Variants in ANKRD17 observed in about 807,000 individuals in gnomAD.
ANKRD17 encodes the protein ankyrin repeat domain-containing protein 17.
In ANKRD17, 19 loss-of-function variants were observed where a neutral mutation model predicts 229.7. That is an observed-to-expected ratio of 0.08 (90% CI 0.06 to 0.12). ANKRD17 has a LOEUF of 0.12. Among genes scored for constraint, ANKRD17 ranks in the 10% least tolerant of loss-of-function variants. ANKRD17 has a pLI of 1.00. For synonymous variants in ANKRD17, 1,112 were observed against 1,146.1 expected, an observed-to-expected ratio of 0.97 and a Z score of 0.60; for missense variants, 2,176 against 3,176.8, an observed-to-expected ratio of 0.68 and a Z score of 7.57.
In ANKRD17 at chr4:73,090,926, T is replaced by A. The variant is rs771877996; in HGVS notation, c.6702A>T (p.Val2234=). 1 of 1,614,246 alleles carries A rather than the reference T, an allele frequency of 6.2e-7. No homozygotes were observed. The highest frequency in any genetic ancestry group is 8.5e-7 in the Non-Finnish European group (1 of 1,180,044). The part of the protein sequence containing the change: ...LSTQSACQNS[V]HPANKPIAPN... ...GAGCAATAGGCTTATTTGCTGGATG[T>A]ACTGAATTCTGACAAGCACTTTGTG... is the stretch of plus-strand genomic sequence containing the variant. The change falls in exon 29 of 34, where the codon GTA becomes GTT. Residue 2234 remains valine, a synonymous_variant. Transcript: ENST00000358602.
At chr4:73,200,498 G>A (rs1204473819) in intron 1 of ANKRD17, among the ~76,000 whole-genome samples, 5 of 152,006 alleles carry the variant, frequency 3.3e-5, no homozygotes, top group Non-Finnish European at 7.4e-5. Flanking sequence ...ATAGTTTTGG[G>A]GAGTGGCCTG....
intron 27 of ANKRD17, among the ~76,000 whole-genome samples, chr4:73,094,625 A>G (rs992201755): frequency 5.3e-5 from 8 of 151,730 alleles, no homozygotes; most frequent in African/African-American, 1.9e-4. Flanking sequence ...GAGTGTTGCA[A>G]TAGTATGTGT....
chr4:73,131,368 A>G (rs1728179278), intron 16 of ANKRD17, among the ~76,000 whole-genome samples: 1 of 152,232 alleles, frequency 6.6e-6, no homozygotes, highest in African/African-American at 2.4e-5. Context: ...AAAATGTTCA[A>G]CTAAAGCAGT....
At chr4:73,196,976 A>G (rs888579316) in intron 1 of ANKRD17, among the ~76,000 whole-genome samples, 17 of 152,030 alleles carry the variant, frequency 1.1e-4, no homozygotes, top group Admixed American at 3.3e-4. Flanking sequence ...ATGTGTGTGT[A>G]TATGTATATG....
In ANKRD17 at chr4:73,141,835, A is replaced by T. The variant is rs1355700433; in HGVS notation, c.2238T>A (p.Arg746=). 6.2e-7 allele frequency: 1 copy of T among 1,613,740 alleles called. No homozygotes were observed. The highest frequency in any genetic ancestry group is 1.1e-5 in the South Asian group (1 of 91,044). ...PPSHDLNRAP[R]VPVQALPMVV... is the part of the protein sequence containing the mutation. ...CCATGGGCAGTGCTTGAACTGGTAC[A>T]CGAGGAGCCTAAGACAAAGGACACT... The change falls in exon 14 of 34, where the codon CGT becomes CGA. Residue 746 remains arginine, a synonymous_variant. Transcript: ENST00000358602.
rs1304553625 is a variant in ANKRD17, at chr4:73,225,622, G to A, written c.393+32654C>T. ...TCCTGTAATCCCAGCACTCTGGGAG[G>A]CCCAGGCGGGCAGATCACCTGAGGT... On this transcript the variant is annotated intron_variant, in intron 1 of 33. Coordinates refer to ENST00000358602, the MANE Select transcript of ANKRD17 (RefSeq NM_032217.5). 2.6e-5 allele frequency among the ~76,000 whole-genome samples: 4 copies of A among 151,832 alleles called. No homozygotes were observed. The East Asian group carries it at 7.8e-4, about 30-fold the overall frequency.
intron 1 of ANKRD17, among the ~76,000 whole-genome samples, chr4:73,208,188 CAAAAAA>C (rs36126530): frequency 4.4e-5 from 3 of 67,964 alleles, no homozygotes; most frequent in East Asian, 4.8e-4. Context: ...GACTCCGTCT[CAAAAAA>C]AAAAAAAAAA....
intron 1 of ANKRD17, among the ~76,000 whole-genome samples, chr4:73,184,127 G>C (rs1005817787): frequency 1.3e-5 from 2 of 152,102 alleles, no homozygotes; most frequent in African/African-American, 2.4e-5. Context: ...GTCATCGTTA[G>C]CATTACATTT....
intron 2 of ANKRD17, among the ~76,000 whole-genome samples, chr4:73,169,849 C>A (rs1733739641): frequency 6.6e-6 from 1 of 152,220 alleles, no homozygotes; most frequent in South Asian, 2.1e-4. Flanking sequence ...CTGAACTCAG[C>A]TGATGCCTGC....
chr4:73,204,162 T>G (rs917982585), intron 1 of ANKRD17, among the ~76,000 whole-genome samples: 1 of 151,740 alleles, frequency 6.6e-6, no homozygotes, highest in Non-Finnish European at 1.5e-5. Context: ...ACTGAGACCA[T>G]CCTGGTAACA....
intron 8 of ANKRD17, among the ~76,000 whole-genome samples, chr4:73,147,844 GTATTAT>G (rs542019249): frequency 5.3e-5 from 8 of 151,554 alleles, no homozygotes; most frequent in African/African-American, 1.2e-4. Context: ...ACTTATTTAG[GTATTAT>G]TATTATTATT....
intron 1 of ANKRD17, among the ~76,000 whole-genome samples, chr4:73,240,458 C>CAAAA (rs34164034): frequency 8.7e-6 from 1 of 114,852 alleles, no homozygotes; most frequent in Non-Finnish European, 1.8e-5. Context: ...ACTATCTCTA[C>CAAAA]AAAAAAAAAA....
intron 29 of ANKRD17, 102 bp downstream of exon 29, chr4:73,090,565 G>A: frequency 7.1e-7 from 1 of 1,417,356 alleles, no homozygotes; most frequent in Non-Finnish European, 9.7e-7. Flanking sequence ...AACAATCTTT[G>A]TCTATATCGT....
intron 30 of ANKRD17, among the ~76,000 whole-genome samples, chr4:73,079,903 A>G (rs2110092775): frequency 6.6e-6 from 1 of 152,184 alleles, no homozygotes; most frequent in Non-Finnish European, 1.5e-5. Context: ...TCATGGGATC[A>G]GGAGTTCGAG....
At chr4:73,088,852 G>A (rs1425885104) in intron 29 of ANKRD17, among the ~76,000 whole-genome samples, 2 of 151,988 alleles carry the variant, frequency 1.3e-5, no homozygotes, top group Non-Finnish European at 2.9e-5. Flanking sequence ...GCAACCAAGA[G>A]CCAAATACCA....
Position 73,258,747 on chromosome 4 carries a change from C to G in ANKRD17, c.-79G>C, listed in dbSNP as rs1745729226. On this transcript the variant is annotated 5_prime_UTR_variant, in exon 1 of 34. Transcript: ENST00000358602. ...ACCGCGACTTCGGCCGCACTGGGGCCGACACAGCAATCGGTGCCGCCTCCG... is the reference window on the plus strand; with the variant it reads ...ACCGCGACTTCGGCCGCACTGGGGCGGACACAGCAATCGGTGCCGCCTCCG... The G allele has an allele frequency of 1.3e-5, 18 of 1,374,116 alleles. No individual in the cohort carries two copies. Among genetic ancestry groups the G allele is most frequent in the Non-Finnish European group, 1.7e-5 (18 of 1,073,358 alleles). The allele number at this position is 1,374,116 out of a possible 1,614,324, so 85.1% of individuals were successfully genotyped here. A position where few individuals can be genotyped will look rare whatever the true frequency, so the allele number is the denominator to read the frequency against.
At chr4:73,152,412 A>C (rs1192706413) in intron 6 of ANKRD17, among the ~76,000 whole-genome samples, 4 of 152,052 alleles carry the variant, frequency 2.6e-5, no homozygotes, top group East Asian at 3.9e-4. Flanking sequence ...ATTAGTGCTC[A>C]GTCTCAGCCT....
intron 24 of ANKRD17, chr4:73,113,313 T>G: frequency 7.8e-7 from 1 of 1,289,322 alleles, no homozygotes; most frequent in Non-Finnish European, 1.0e-6. Flanking sequence ...GTAGTCTGCC[T>G]GAAAGAGAAA....
chr4:73,104,854 G>A (rs1278646411), intron 24 of ANKRD17, among the ~76,000 whole-genome samples: 1 of 152,108 alleles, frequency 6.6e-6, no homozygotes, highest in Non-Finnish European at 1.5e-5. Context: ...ATGTTGATGG[G>A]GGTGGTAGGT....
Sources: allele counts gnomAD v4.1 joint callset (sites outside exome capture counted in the v4.1 genomes callset), GRCh38; gene constraint gnomAD v4.1.1; transcripts MANE v1.5; gene names NCBI Gene and HGNC (gene_info 2026-07-23, HGNC 2026-07-21).